Variants in MAPT observed in about 807,000 individuals in gnomAD.
MAPT encodes microtubule associated protein tau, also known as microtubule-associated protein tau.
MAPT carries 34 observed loss-of-function variants against 67.9 expected under a neutral mutation model. The observed-to-expected ratio is 0.50, with a 90% CI of 0.38 to 0.67. MAPT has a LOEUF of 0.67. Ranked by LOEUF, MAPT falls within the 30% of genes least tolerant of loss-of-function variation. The pLI is 0.00. For missense variants in MAPT, 881 were observed against 1,115.2 expected (o/e 0.79, Z 2.99); for synonymous variants, 456 against 464.5 (o/e 0.98, Z 0.23).
chr17:45,947,474 A>C (rs1598096485), intron 1 of MAPT, among the ~76,000 whole-genome samples: 1 of 135,126 alleles, frequency 7.4e-6, no homozygotes, highest in Admixed American at 8.1e-5. Context: ...TGCAACCACC[A>C]CCTCCCGGGT....
At chr17:45,946,383 C>T (rs548546638) in intron 1 of MAPT, among the ~76,000 whole-genome samples, 1 of 151,604 alleles carries the variant, frequency 6.6e-6, no homozygotes, top group South Asian at 2.1e-4. Flanking sequence ...GAGTGGATCA[C>T]TTGAGGTCAG....
chr17:45,999,382 CTG>C, intron 9 of MAPT: 1 of 1,614,000 alleles, frequency 6.2e-7, no homozygotes, highest in Admixed American at 1.7e-5. Context: ...AACTCAGCCT[CTG>C]TGTGAGTGGA....
chr17:46,008,499 A>G (rs1411542552), intron 9 of MAPT, among the ~76,000 whole-genome samples: 1 of 152,216 alleles, frequency 6.6e-6, no homozygotes, highest in Non-Finnish European at 1.5e-5. Context: ...AAGGAAATAC[A>G]ACAAAATGCA....
At chr17:46,005,470 G>A (rs1475352435) in intron 9 of MAPT, among the ~76,000 whole-genome samples, 1 of 152,200 alleles carries the variant, frequency 6.6e-6, no homozygotes, top group Admixed American at 6.5e-5. Flanking sequence ...AATAAAAAAT[G>A]ATCGTCAAGC....
At chr17:46,014,386 A>C (rs2076018392) in intron 11 of MAPT, 62 bp downstream of exon 11, 1 of 1,137,836 alleles carries the variant, frequency 8.8e-7, no homozygotes, top group Non-Finnish European at 1.3e-6. Flanking sequence ...AGTCCTGGTG[A>C]GGCTGGAACT....
intron 4 of MAPT, among the ~76,000 whole-genome samples, chr17:45,982,393 G>A (rs978156263): frequency 7.9e-5 from 12 of 151,860 alleles, no homozygotes; most frequent in African/African-American, 2.4e-4. Context: ...GGGGATTCTC[G>A]CTACACCCAA....
chr17:46,018,696 A>G lies in MAPT; in HGVS notation c.2252A>G (p.Asn751Ser), dbSNP rs2076340559. Residue 751 changes from asparagine (N) to serine (S), a missense_variant, in exon 12 of 13, where the codon AAT (asparagine) becomes AGT (serine). By Grantham distance (46) the Asn-to-Ser change is conservative (BLOSUM62 1). Around this residue, in one of 6 missense-constraint regions of MAPT, gnomAD observed 79 missense variants for 150.9 expected, o/e 0.52. Coordinates refer to ENST00000262410, the MANE Select transcript of MAPT (RefSeq NM_001377265.1). ...CAGTCGAAGATTGGGTCCCTGGACA[A>G]TATCACCCACGTCCCTGGCGGAGGA... ...RVQSKIGSLD[N>S]ITHVPGGGNK... 1.9e-6 allele frequency: 3 copies of G among 1,614,212 alleles called. No individual in the cohort carries two copies. The highest frequency in any genetic ancestry group is 2.5e-6 in the Non-Finnish European group (3 of 1,180,000).
At chr17:45,935,858 C>T (rs907267967) in intron 1 of MAPT, among the ~76,000 whole-genome samples, 1 of 152,206 alleles carries the variant, frequency 6.6e-6, no homozygotes. Flanking sequence ...TTCTTGACTA[C>T]GTCTCCTCTC....
rs1344896843 is a variant in MAPT at position 46,026,916 on chromosome 17, A to G, written c.*2745A>G. On this transcript the variant is annotated 3_prime_UTR_variant, in exon 13 of 13. Coordinates refer to ENST00000262410, the MANE Select transcript of MAPT (RefSeq NM_001377265.1). ...TAAAGGCAACCCTGAGGGACTTGGC[A>G]GTAGAAATCCAGGGCCTCCCCTGGG... 1 of 152,196 alleles carries G rather than the reference A, an allele frequency of 6.6e-6. No homozygotes were observed. Among genetic ancestry groups the G allele is most frequent in the African/African-American group, 2.4e-5 (1 of 41,430 alleles). 9.4% of individuals were successfully genotyped at this position (152,196 alleles called of 1,614,324 possible).
At chr17:45,964,513 C>T (rs915814906) in intron 2 of MAPT, among the ~76,000 whole-genome samples, 1 of 151,792 alleles carries the variant, frequency 6.6e-6, no homozygotes, top group East Asian at 1.9e-4. Flanking sequence ...GACCTCGTCT[C>T]TACAGATAAT....
intron 1 of MAPT, among the ~76,000 whole-genome samples, chr17:45,941,709 T>TTCCTTCCTTCCTG (rs2067982461): frequency 9.3e-6 from 1 of 107,284 alleles, no homozygotes; most frequent in Admixed American, 9.9e-5. Context: ...CTGCCTGCCT[T>TTCCTTCCTTCCTG]CCTTCCTTCC....
chr17:45,964,157 G>A (rs2070766196), intron 2 of MAPT, among the ~76,000 whole-genome samples: 1 of 152,146 alleles, frequency 6.6e-6, no homozygotes, highest in African/African-American at 2.4e-5. Context: ...GGGCACCTGA[G>A]AGGCTCCAAG....
intron 4 of MAPT, among the ~76,000 whole-genome samples, chr17:45,982,604 G>T (rs755962527): frequency 2.6e-5 from 4 of 152,064 alleles, no homozygotes; most frequent in Non-Finnish European, 1.5e-5. Context: ...AGGTCACCAC[G>T]TCCAAGAACC....
intron 9 of MAPT, among the ~76,000 whole-genome samples, chr17:46,000,463 G>A (rs1342459474): frequency 6.6e-6 from 1 of 152,184 alleles, no homozygotes; most frequent in Non-Finnish European, 1.5e-5. Flanking sequence ...AGCTGGGTGG[G>A]GTGCCAGGCA....
intron 1 of MAPT, among the ~76,000 whole-genome samples, chr17:45,949,419 A>G (rs2068837945): frequency 6.6e-6 from 1 of 152,224 alleles, no homozygotes; most frequent in African/African-American, 2.4e-5. Flanking sequence ...GGGCCTGGGT[A>G]ATGAACGTCA....
chr17:45,933,840 A>ATTTT (rs35907411), intron 1 of MAPT, among the ~76,000 whole-genome samples: 4 of 137,798 alleles, frequency 2.9e-5, no homozygotes, highest in African/African-American at 1.1e-4. Context: ...ATGTTTTCTG[A>ATTTT]TTTTTTTTTT....
chr17:45,933,811 C>A (rs1374147383), intron 1 of MAPT, among the ~76,000 whole-genome samples: 1 of 149,720 alleles, frequency 6.7e-6, no homozygotes, highest in Non-Finnish European at 1.5e-5. Flanking sequence ...CAGTGCTCCA[C>A]GTGTCTTTGC....
chr17:45,946,891 G>C (rs1046243391), intron 1 of MAPT, among the ~76,000 whole-genome samples: 1 of 151,998 alleles, frequency 6.6e-6, no homozygotes, highest in Admixed American at 6.6e-5. Flanking sequence ...GCAACCATCC[G>C]TGTGCACACA....
At chr17:45,947,789 T>A (rs563656488) in intron 1 of MAPT, among the ~76,000 whole-genome samples, 6 of 152,166 alleles carry the variant, frequency 3.9e-5, no homozygotes, top group Admixed American at 6.5e-5. Flanking sequence ...TTTGTCCTCG[T>A]CTTTCCCCTT....
Sources: gnomAD v4.1 joint callset for allele counts (sites outside exome capture counted in the v4.1 genomes callset) on GRCh38, gnomAD v4.1.1 for gene constraint, gnomAD v4.1.1 regional missense constraint, MANE v1.5 for transcripts, NCBI Gene and HGNC (gene_info 2026-07-23, HGNC 2026-07-21) for gene names.